IL22RA1: variants seen among roughly 807,000 people sequenced by gnomAD.
IL22RA1 encodes the protein interleukin-22 receptor subunit alpha-1.
In IL22RA1, 25 loss-of-function variants were observed where a neutral mutation model predicts 32.8. The observed-to-expected ratio is 0.76, with a 90% CI of 0.55 to 1.06. The LOEUF (loss-of-function observed/expected upper bound fraction) is 1.06. IL22RA1 is among the 50% of genes least tolerant of loss of function. The probability of loss-of-function intolerance (pLI) is 0.00; values close to 1 mark genes in which losing one functional copy is unlikely to be tolerated. For missense variants in IL22RA1, 709 were observed against 727.4 expected (o/e 0.97, Z 0.29); for synonymous variants, 305 against 305.0 (o/e 1.00, Z 0.00).
rs114774887 is a variant in IL22RA1 at position 24,120,395 on chromosome 1, T to C, written c.*410A>G. 4,883 of 162,866 alleles carry C rather than the reference T, an allele frequency of 0.03. 80 individuals are homozygous for C. Among genetic ancestry groups the C allele is most frequent in the Middle Eastern group, 0.055 (19 of 344 alleles). 10.1% of individuals were successfully genotyped at this position (162,866 alleles called of 1,614,324 possible). On this transcript the variant is annotated 3_prime_UTR_variant, in exon 7 of 7. Transcript: ENST00000270800. ...AATGACAGAAGAGGCAGGGGCCTCA[T>C]GCTCTGTCGAGCTAGATTGTGAAAC...
rs1477537324 is a variant in IL22RA1 at position 24,120,638 on chromosome 1, G to C, written c.*167C>G. ...TCATGCTGCTTTGCTCCGGTGAGGA[G>C]CGCACCCATGGCAGGGGCCCTGCAT... On this transcript the variant is annotated 3_prime_UTR_variant, in exon 7 of 7. Transcript: ENST00000270800. 2 of 649,134 alleles carry C rather than the reference G, an allele frequency of 3.1e-6. No individual in the cohort carries two copies. Among genetic ancestry groups the C allele is most frequent in the Non-Finnish European group, 2.6e-6 (1 of 377,762 alleles). The allele number at this position is 649,134 out of a possible 1,614,324, so 40.2% of individuals were successfully genotyped here. A position where few individuals can be genotyped will look rare whatever the true frequency, so the allele number is the denominator to read the frequency against.
chr1:24,124,948 T>A (rs544506817), intron 5 of IL22RA1, among the ~76,000 whole-genome samples: 1 of 152,308 alleles, frequency 6.6e-6, no homozygotes, highest in South Asian at 2.1e-4. Context: ...ACTGTGTGTA[T>A]TGGATACATT....
chr1:24,134,695 C>T (rs1187692552), intron 3 of IL22RA1, among the ~76,000 whole-genome samples: 1 of 152,170 alleles, frequency 6.6e-6, no homozygotes, highest in Non-Finnish European at 1.5e-5. Context: ...CCTGCGTCCC[C>T]ACCTTAAGTC....
In IL22RA1 at chr1:24,138,609, T is replaced by A. The variant is rs769548405; in HGVS notation, c.149A>T (p.Asp50Val). The A allele has an allele frequency of 2.5e-6, 4 of 1,614,176 alleles. No homozygotes were observed. The South Asian group carries it at 3.3e-5, about 13-fold the overall frequency. ...CTTATACTCGATGCTGTAGACCGTGTCTGGGGTGCCCTCCGGCCCGCTGTC... is the reference window on the plus strand; with the variant it reads ...CTTATACTCGATGCTGTAGACCGTGACTGGGGTGCCCTCCGGCCCGCTGTC... ...TWDSGPEGTP[D>V]TVYSIEYKTY... Residue 50 changes from aspartate (D) to valine (V), a missense_variant, in exon 2 of 7, where the codon GAC (aspartate) becomes GTC (valine). Physicochemically the swap from Asp to Val is radical, Grantham distance 152. Coordinates refer to ENST00000270800, the MANE Select transcript of IL22RA1 (RefSeq NM_021258.4).
At chr1:24,129,913 T>G (rs1008145711) in intron 4 of IL22RA1, among the ~76,000 whole-genome samples, 2 of 152,170 alleles carry the variant, frequency 1.3e-5, no homozygotes, top group Non-Finnish European at 2.9e-5. Flanking sequence ...TTTCCCAAGT[T>G]TTTCACGACC....
At chr1:24,138,864 T>C in intron 1 of IL22RA1, 150 bp from the exon 2 acceptor site, 3 of 888,248 alleles carry the variant, frequency 3.4e-6, no homozygotes, top group Non-Finnish European at 5.1e-6. Flanking sequence ...AGGGAGACCC[T>C]GGCCCCCAGC....
At position 24,134,259 on chromosome 1, in the gene IL22RA1, A is replaced by T; in HGVS notation, c.483T>A (p.His161Gln). 6.2e-7 allele frequency: 1 copy of T among 1,612,128 alleles called. No homozygotes were observed. Among genetic ancestry groups the T allele is most frequent in the Non-Finnish European group, 8.5e-7 (1 of 1,179,028 alleles). ...GHRLTLEDIFHDLFYHLELQV... is the reference protein window; with the variant it reads ...GHRLTLEDIFQDLFYHLELQV... ...GGAGCTCTAAGTGGTAGAACAGGTCATGGAAGATGTCTTCCAGGGTTAGCC... is the reference window on the plus strand; with the variant it reads ...GGAGCTCTAAGTGGTAGAACAGGTCTTGGAAGATGTCTTCCAGGGTTAGCC... Residue 161 changes from histidine (H) to glutamine (Q), a missense_variant, in exon 4 of 7, where the codon CAT (histidine) becomes CAA (glutamine). By Grantham distance (24) the His-to-Gln change is conservative (BLOSUM62 0). Coordinates refer to ENST00000270800, the MANE Select transcript of IL22RA1 (RefSeq NM_021258.4).
In IL22RA1 at chr1:24,121,605, G is replaced by A; in HGVS notation, c.925C>T (p.Pro309Ser). 1 of 1,613,112 alleles carries A rather than the reference G, an allele frequency of 6.2e-7. No individual in the cohort carries two copies. Among genetic ancestry groups the A allele is most frequent in the South Asian group, 1.1e-5 (1 of 91,000 alleles). The change falls in exon 7 of 7, where the codon CCC (proline) becomes TCC (serine). Residue 309 changes from proline (P) to serine (S), a missense_variant. Pro to Ser is a moderately conservative substitution (Grantham distance 74). Coordinates refer to ENST00000270800, the MANE Select transcript of IL22RA1 (RefSeq NM_021258.4). ...TGTGGAGCTCCTGCGGGCTCCCTGG[G>A]TCCAGACACCCTGATCTGGGAGTAC... ...VQYSQIRVSG[P>S]REPAGAPQRH...
At position 24,122,530 on chromosome 1, in the gene IL22RA1, T is replaced by C. The variant is rs1276831805; in HGVS notation, c.792+772A>G. 3.9e-5 allele frequency among the ~76,000 whole-genome samples: 6 copies of C among 152,210 alleles called. No individual in the cohort carries two copies. The South Asian group carries it at 1.0e-3, about 26-fold the overall frequency. ...GTTTAAAATGGCCAGGTGCAGTGGC[T>C]CACGCTTGTAATCCCAGCACTTTGG... On this transcript the variant is annotated intron_variant, in intron 6 of 6. Transcript: ENST00000270800.
Position 24,120,847 on chromosome 1 carries a change from A to G in IL22RA1, c.1683T>C (p.Ser561=), listed in dbSNP as rs776153907. 9.3e-6 allele frequency: 15 copies of G among 1,613,482 alleles called. No homozygotes were observed. The highest frequency in any genetic ancestry group is 1.3e-5 in the African/African-American group (1 of 74,910). Residue 561 remains serine, a synonymous_variant, in exon 7 of 7, where the codon TCT becomes TCC. Transcript: ENST00000270800. ...CAGTCAGGGCCAGGCCTCTGAAAAG[A>G]GAATCCAGTTCTGTGGGCTGCTCCA... ...SDLEQPTELD[S]LFRGLALTVQ... is the part of the protein sequence containing the mutation.
At chr1:24,138,225 A>G (rs1301294908) in intron 2 of IL22RA1, among the ~76,000 whole-genome samples, 1 of 152,172 alleles carries the variant, frequency 6.6e-6, no homozygotes, top group Non-Finnish European at 1.5e-5. Flanking sequence ...ATTTCCAGGC[A>G]CAAGTGCTAA....
At position 24,120,957 on chromosome 1, in the gene IL22RA1, G is replaced by T. The variant is rs200395955; in HGVS notation, c.1573C>A (p.Gln525Lys). Residue 525 changes from glutamine (Q) to lysine (K), a missense_variant, in exon 7 of 7, where the codon CAA (glutamine) becomes AAA (lysine). By Grantham distance (53) the Gln-to-Lys change is moderately conservative. Coordinates refer to ENST00000270800, the MANE Select transcript of IL22RA1 (RefSeq NM_021258.4). ...AGCAGGCCCCAGGGACTTGGACCTTGGTCCGAGGGGGAACATGGACGGGAA... is the reference window on the plus strand; with the variant it reads ...AGCAGGCCCCAGGGACTTGGACCTTTGTCCGAGGGGGAACATGGACGGGAA... ...PPSRPCSPSD[Q>K]GPSPWGLLES... The T allele has an allele frequency of 1.2e-6, 2 of 1,614,236 alleles. No individual in the cohort carries two copies. Among genetic ancestry groups the T allele is most frequent in the East Asian group, 2.2e-5 (1 of 44,886 alleles).
rs751734772 is a variant in IL22RA1 at position 24,121,563 on chromosome 1, C to T, written c.967G>A (p.Glu323Lys). The change falls in exon 7 of 7, where the codon GAG becomes AAG. Residue 323 changes from glutamate (E) to lysine (K), a missense_variant. Glu to Lys is a moderately conservative substitution (Grantham distance 56). Coordinates refer to ENST00000270800, the MANE Select transcript of IL22RA1 (RefSeq NM_021258.4). ...AGAPQRHSLS[E>K]ITYLGQPDIS... ...TCTGGCTGCCCTAAGTAGGTGATCT[C>T]GGACAGGCTATGCCGCTGTGGAGCT... The T allele has an allele frequency of 1.6e-5, 26 of 1,608,314 alleles. No homozygotes were observed. Among genetic ancestry groups the T allele is most frequent in the East Asian group, 6.7e-5 (3 of 44,736 alleles).
chr1:24,126,588 A>G (rs11577442), intron 5 of IL22RA1, among the ~76,000 whole-genome samples: 63,940 of 151,930 alleles, frequency 0.42, 13,671 homozygotes, highest in Middle Eastern at 0.46. Flanking sequence ...TATGCCACAC[A>G]CAATGTCCAG....
At chr1:24,133,979 G>T (rs1468623803) in intron 4 of IL22RA1, among the ~76,000 whole-genome samples, 1 of 152,066 alleles carries the variant, frequency 6.6e-6, no homozygotes, top group Non-Finnish European at 1.5e-5. Context: ...GTGGAGTCTT[G>T]GCTCTGCAGG....
chr1:24,142,972 G>C (rs1221398375), intron 1 of IL22RA1, 68 bp downstream of exon 1: 2 of 1,450,652 alleles, frequency 1.4e-6, no homozygotes, highest in South Asian at 2.4e-5. Flanking sequence ...GAGGGTGCTG[G>C]GGAGATGACC....
chr1:24,127,016 CAAAAAA>C (rs59069321), intron 5 of IL22RA1, among the ~76,000 whole-genome samples: 24 of 72,836 alleles, frequency 3.3e-4, no homozygotes, highest in African/African-American at 1.2e-3. Context: ...ACTAAAAATA[CAAAAAA>C]AAAAAAAAAA....
chr1:24,130,852 C>A (rs933059078), intron 4 of IL22RA1, among the ~76,000 whole-genome samples: 4 of 152,238 alleles, frequency 2.6e-5, no homozygotes, highest in Middle Eastern at 3.4e-3. Context: ...TTACAGGCAC[C>A]TGCCACCATG....
In IL22RA1 at chr1:24,128,159, G is replaced by C. The variant is rs768023224; in HGVS notation, c.652C>G (p.Arg218Gly). The change falls in exon 5 of 7, where the codon CGA becomes GGA. Residue 218 changes from arginine to glycine, a missense_variant. Physicochemically the swap from Arg to Gly is moderately radical, Grantham distance 125. Transcript: ENST00000270800. ...AACTCACCTGGCAGTGTCTTCACTC[G>C]GCACATGTAGGGGGCACTCTCCTTG... Reference protein sequence around the residue: ...WAKESAPYMCRVKTLPDRTWT... With the variant: ...WAKESAPYMCGVKTLPDRTWT... 3 of 1,548,532 alleles carry C rather than the reference G, an allele frequency of 1.9e-6. No individual in the cohort carries two copies. Among genetic ancestry groups the C allele is most frequent in the East Asian group, 2.4e-5 (1 of 40,950 alleles).
Sources: gnomAD v4.1 joint callset for allele counts (sites outside exome capture counted in the v4.1 genomes callset) on GRCh38, gnomAD v4.1.1 for gene constraint, MANE v1.5 for transcripts, NCBI Gene and HGNC (gene_info 2026-07-23, HGNC 2026-07-21) for gene names.